Variants in FBN1 observed in about 807,000 individuals in gnomAD.
FBN1 encodes the protein fibrillin 1.
A neutral mutation model predicts 365.1 loss-of-function variants in FBN1; 29 were observed. The ratio of observed to expected loss-of-function variants is 0.08; its 90% CI spans 0.06 to 0.11. The LOEUF (loss-of-function observed/expected upper bound fraction) is 0.11. Ranked by LOEUF, FBN1 falls within the 10% of genes least tolerant of loss-of-function variation. The pLI is 1.00. For synonymous variants in FBN1, 1,210 were observed against 1,270.5 expected, an observed-to-expected ratio of 0.95 and a Z score of 1.01; for missense variants, 2,476 against 3,703.2, an observed-to-expected ratio of 0.67 and a Z score of 8.60.
intron 6 of FBN1, among the ~76,000 whole-genome samples, chr15:48,589,327 A>T (rs2044458950): frequency 6.6e-6 from 1 of 152,142 alleles, no homozygotes; most frequent in South Asian, 2.1e-4. Context: ...TGAGTGGGAG[A>T]CAAAAATCAA....
chr15:48,437,895 A>G lies in FBN1; in HGVS notation c.6186T>C (p.Tyr2062=), dbSNP rs764144407. 3.1e-6 allele frequency: 5 copies of G among 1,613,742 alleles called. No homozygotes were observed. Among genetic ancestry groups the G allele is most frequent in the African/African-American group, 1.3e-5 (1 of 74,910 alleles). Residue 2062 remains tyrosine, a synonymous_variant, in exon 51 of 66, where the codon TAT becomes TAC. Transcript: ENST00000316623. Reference sequence around the variant, plus strand: ...AACACTTTCCTCCTTCAAACTTCGCATAACAGTAGCTCATTCGCAAATCTG... The same window carrying G: ...AACACTTTCCTCCTTCAAACTTCGCGTAACAGTAGCTCATTCGCAAATCTG... The part of the protein sequence containing the change: ...RCQDLRMSYC[Y]AKFEGGKCSS...
intron 7 of FBN1, among the ~76,000 whole-genome samples, chr15:48,536,425 C>T (rs1354456146): frequency 6.6e-6 from 1 of 152,108 alleles, no homozygotes; most frequent in Non-Finnish European, 1.5e-5. Flanking sequence ...AAGTCTAGCT[C>T]TCTGGTCACT....
At chr15:48,620,479 A>C (rs1889746033) in intron 2 of FBN1, among the ~76,000 whole-genome samples, 1 of 152,194 alleles carries the variant, frequency 6.6e-6, no homozygotes, top group Non-Finnish European at 1.5e-5. Flanking sequence ...GGCCATAGAG[A>C]TTAATCCATC....
chr15:48,415,574 C>G lies in FBN1; in HGVS notation c.8013G>C (p.Leu2671=). ...GGAAGTAACCAGGTGGACAGCCACA[C>G]AGGTAACCGCCCTCGGTATTGGAAC... is the stretch of plus-strand genomic sequence containing the variant. ...YGCSNTEGGY[L]CGCPPGYFRI... Residue 2671 remains leucine, a synonymous_variant, in exon 64 of 66, where the codon CTG becomes CTC. Coordinates refer to ENST00000316623, the MANE Select transcript of FBN1 (RefSeq NM_000138.5). The G allele has an allele frequency of 6.2e-7, 1 of 1,614,198 alleles. No individual in the cohort carries two copies. The highest frequency in any genetic ancestry group is 8.5e-7 in the Non-Finnish European group (1 of 1,180,036).
chr15:48,524,159 C>G (rs1566919098), intron 9 of FBN1, among the ~76,000 whole-genome samples: 1 of 152,094 alleles, frequency 6.6e-6, no homozygotes, highest in Non-Finnish European at 1.5e-5. Flanking sequence ...GACAACCCTA[C>G]AGGCAATATT....
Position 48,534,129 on chromosome 15 carries a change from G to A in FBN1, c.813C>T (p.Cys271=). The change falls in exon 8 of 66, where the codon TGC becomes TGT. Residue 271 remains cysteine, a synonymous_variant. Transcript: ENST00000316623. ...NCINTVGSFE[C]KCPAGHKLNE... ...TAAGTTTGTGTCCAGCAGGGCATTT[G>A]CACTCAAAAGACCCAACAGTATTAA... 6.2e-7 allele frequency: 1 copy of A among 1,613,314 alleles called. No homozygotes were observed. The highest frequency in any genetic ancestry group is 8.5e-7 in the Non-Finnish European group (1 of 1,179,878).
intron 6 of FBN1, among the ~76,000 whole-genome samples, chr15:48,586,139 TTAAAATG>T (rs2140695634): frequency 6.6e-6 from 1 of 152,284 alleles, no homozygotes; most frequent in African/African-American, 2.4e-5. Context: ...GTTAATCAGT[TTAAAATG>T]TAATAAAATG....
At chr15:48,425,515 G>A (rs890568312) in intron 59 of FBN1, 24 bp from the exon 60 acceptor site, 4 of 1,613,736 alleles carry the variant, frequency 2.5e-6, no homozygotes, top group Non-Finnish European at 3.4e-6. Flanking sequence ...AATACAGCGT[G>A]ACTGTGCATC....
chr15:48,596,211 A>C, intron 6 of FBN1, 72 bp downstream of exon 6: 2 of 1,348,410 alleles, frequency 1.5e-6, no homozygotes, highest in Non-Finnish European at 2.1e-6. Flanking sequence ...ATGCAGACCC[A>C]ATGTCTGTGC....
At chr15:48,457,286 A>G (rs2043248076) in intron 43 of FBN1, among the ~76,000 whole-genome samples, 1 of 152,180 alleles carries the variant, frequency 6.6e-6, no homozygotes, top group Non-Finnish European at 1.5e-5. Context: ...GGGGCTGACA[A>G]TAAAAACGAG....
At chr15:48,550,382 G>A (rs1011607079) in intron 6 of FBN1, among the ~76,000 whole-genome samples, 2 of 152,070 alleles carry the variant, frequency 1.3e-5, no homozygotes, top group Non-Finnish European at 2.9e-5. Flanking sequence ...ACATCACAGG[G>A]CCACAGACTC....
chr15:48,578,193 T>C (rs1378602776), intron 6 of FBN1, among the ~76,000 whole-genome samples: 1 of 152,210 alleles, frequency 6.6e-6, no homozygotes, highest in Admixed American at 6.5e-5. Flanking sequence ...AATTCATTTT[T>C]AGTTCATTCA....
intron 2 of FBN1, among the ~76,000 whole-genome samples, chr15:48,640,275 G>A (rs2140779360): frequency 6.6e-6 from 1 of 152,090 alleles, no homozygotes; most frequent in East Asian, 1.9e-4. Flanking sequence ...CTTGTTTCAT[G>A]TGTGGAATTG....
In FBN1 at chr15:48,494,197, GA is replaced by G; in HGVS notation, c.2728+6del. The G allele has an allele frequency of 6.2e-7, 1 of 1,606,274 alleles. No homozygotes were observed. Among genetic ancestry groups the G allele is most frequent in the Non-Finnish European group, 8.5e-7 (1 of 1,173,130 alleles). ...AAAATGTATGGTTTATAAGTAATCA[GA>G]AATACCTTCACATTGTGTTCCTTTA... On this transcript the variant is annotated splice_donor_region_variant and intron_variant, in intron 23 of 65. Coordinates refer to ENST00000316623, the MANE Select transcript of FBN1 (RefSeq NM_000138.5).
intron 27 of FBN1, among the ~76,000 whole-genome samples, chr15:48,487,764 C>G (rs1383128485): frequency 6.6e-6 from 1 of 152,206 alleles, no homozygotes; most frequent in African/African-American, 2.4e-5. Flanking sequence ...GAAACCAGAC[C>G]TAAAGCAACA....
intron 6 of FBN1, among the ~76,000 whole-genome samples, chr15:48,561,198 A>T (rs923506343): frequency 3.9e-5 from 6 of 152,120 alleles, no homozygotes; most frequent in African/African-American, 1.4e-4. Flanking sequence ...ATTTCCTTAA[A>T]ACTAGCTGAA....
intron 42 of FBN1, among the ~76,000 whole-genome samples, chr15:48,461,511 A>T (rs188549845): frequency 1.3e-5 from 2 of 152,330 alleles, no homozygotes; most frequent in East Asian, 3.9e-4. Context: ...AGCTCAGAAA[A>T]ATAATAAATG....
chr15:48,461,572 T>C (rs537496549), intron 42 of FBN1, among the ~76,000 whole-genome samples: 2 of 146,080 alleles, frequency 1.4e-5, no homozygotes, highest in African/African-American at 2.8e-5. Flanking sequence ...CATAGATATA[T>C]ATACATAGAC....
intron 6 of FBN1, among the ~76,000 whole-genome samples, chr15:48,579,009 T>C (rs1360015463): frequency 8.8e-6 from 1 of 113,206 alleles, no homozygotes; most frequent in African/African-American, 3.4e-5. Flanking sequence ...AGTATAATAA[T>C]AAAAATAAAA....
Sources: allele counts gnomAD v4.1 joint callset (sites outside exome capture counted in the v4.1 genomes callset), GRCh38; gene constraint gnomAD v4.1.1; transcripts MANE v1.5; gene names NCBI Gene and HGNC (gene_info 2026-07-23, HGNC 2026-07-21).